The following ASB3 variants were observed in gnomAD, a reference collection of about 807,000 sequenced individuals.
ASB3 encodes ankyrin repeat and SOCS box protein 3.
In ASB3, 41 loss-of-function variants were observed where a neutral mutation model predicts 54.5. The observed-to-expected ratio is 0.75, with a 90% CI of 0.59 to 0.98. The LOEUF (loss-of-function observed/expected upper bound fraction) is 0.98, where lower values mean the gene tolerates loss of function less well. Among genes scored for constraint, ASB3 ranks in the 50% least tolerant of loss-of-function variants. The pLI is 0.00. For missense variants in ASB3, 733 were observed against 620.0 expected (o/e 1.18, Z -1.94); for synonymous variants, 266 against 221.2 (o/e 1.20, Z -1.80).
chr2:53,764,874 A>G (rs1490959311), intron 2 of ASB3, among the ~76,000 whole-genome samples: 1 of 152,214 alleles, frequency 6.6e-6, no homozygotes, highest in Non-Finnish European at 1.5e-5. Flanking sequence ...ATCTTGTTTA[A>G]TTATTTAGAT....
At position 53,750,871 on chromosome 2, in the gene ASB3, T is replaced by C; in HGVS notation, c.267A>G (p.Gln89=). ...GAATCTGTACGATTTTCCAATGTCC[T>C]TGACTTGCAGCGAGATGCAAAGCAC... ...GFCALHLAAS[Q]GHWKIVQILL... is the part of the protein sequence containing the mutation. Residue 89 remains glutamine, a synonymous_variant, in exon 3 of 10, where the codon CAA becomes CAG. Transcript: ENST00000263634. 8.7e-6 allele frequency: 14 copies of C among 1,602,918 alleles called. No individual in the cohort carries two copies. The highest frequency in any genetic ancestry group is 1.0e-5 in the Non-Finnish European group (12 of 1,174,476).
At chr2:53,681,640 G>C (rs1276184852) in intron 9 of ASB3, among the ~76,000 whole-genome samples, 1 of 152,042 alleles carries the variant, frequency 6.6e-6, no homozygotes, top group East Asian at 1.9e-4. Flanking sequence ...GTATGTTCTT[G>C]GCACCTTTGT....
intron 2 of ASB3, among the ~76,000 whole-genome samples, chr2:53,758,986 A>G (rs751289892): frequency 1.5e-4 from 23 of 152,262 alleles, no homozygotes; most frequent in Non-Finnish European, 2.9e-4. Context: ...GATGTTTTAC[A>G]AGGGTTAGAA....
chr2:53,700,826 T>C (rs1198435917), intron 7 of ASB3, among the ~76,000 whole-genome samples: 1 of 152,234 alleles, frequency 6.6e-6, no homozygotes, highest in East Asian at 1.9e-4. Context: ...AATTGTGATA[T>C]TTTGTACAAA....
At chr2:53,728,247 C>A (rs866444370) in intron 5 of ASB3, among the ~76,000 whole-genome samples, 7 of 152,216 alleles carry the variant, frequency 4.6e-5, no homozygotes, top group Admixed American at 6.5e-5. Flanking sequence ...CACAGAGAAA[C>A]CTTTAGCAGG....
intron 7 of ASB3, among the ~76,000 whole-genome samples, chr2:53,709,368 A>C (rs957809870): frequency 2.6e-5 from 4 of 151,962 alleles, no homozygotes; most frequent in African/African-American, 9.7e-5. Context: ...GGTTTGGGAG[A>C]CTCTGCCTAG....
intron 1 of ASB3, among the ~76,000 whole-genome samples, chr2:53,781,355 T>A (rs1573036609): frequency 6.7e-6 from 1 of 150,312 alleles, no homozygotes; most frequent in South Asian, 2.1e-4. Flanking sequence ...GAGGCTACAA[T>A]GAGCCAAAAC....
At chr2:53,749,694 G>A (rs566459411) in intron 3 of ASB3, among the ~76,000 whole-genome samples, 1 of 152,124 alleles carries the variant, frequency 6.6e-6, no homozygotes, top group South Asian at 2.1e-4. Context: ...GACAGCTAAA[G>A]GAAGCCAGTC....
At chr2:53,678,517 T>C (rs934056824) in intron 9 of ASB3, among the ~76,000 whole-genome samples, 2 of 152,214 alleles carry the variant, frequency 1.3e-5, no homozygotes, top group African/African-American at 4.8e-5. Context: ...AAATTAAAAC[T>C]ACAAAATATC....
At chr2:53,741,713 T>C (rs1450095782) in intron 3 of ASB3, among the ~76,000 whole-genome samples, 1 of 152,208 alleles carries the variant, frequency 6.6e-6, no homozygotes, top group Non-Finnish European at 1.5e-5. Context: ...TAAAAATGAA[T>C]ATGGACTTCC....
At chr2:53,722,835 G>C (rs986676750) in intron 5 of ASB3, among the ~76,000 whole-genome samples, 4 of 152,116 alleles carry the variant, frequency 2.6e-5, no homozygotes, top group African/African-American at 7.2e-5. Flanking sequence ...GAAAGTCCTT[G>C]CCAGAACAAT....
At chr2:53,704,536 A>T (rs1669666663) in intron 7 of ASB3, among the ~76,000 whole-genome samples, 1 of 152,070 alleles carries the variant, frequency 6.6e-6, no homozygotes, top group Admixed American at 6.6e-5. Context: ...ATAACCAAAA[A>T]CATATTTTTC....
At chr2:53,688,139 T>C (rs1469963167) in intron 9 of ASB3, among the ~76,000 whole-genome samples, 1 of 152,228 alleles carries the variant, frequency 6.6e-6, no homozygotes, top group Non-Finnish European at 1.5e-5. Context: ...TTATTGACCT[T>C]TCCTTGGTCA....
At chr2:53,704,346 C>T (rs1448112126) in intron 7 of ASB3, among the ~76,000 whole-genome samples, 3 of 129,206 alleles carry the variant, frequency 2.3e-5, no homozygotes, top group Admixed American at 8.6e-5. Context: ...GGCCACAGAG[C>T]GAGAGACTGT....
chr2:53,682,435 T>C (rs1314469527), intron 9 of ASB3, among the ~76,000 whole-genome samples: 2 of 152,100 alleles, frequency 1.3e-5, no homozygotes, highest in Non-Finnish European at 2.9e-5. Context: ...TTTGTTGCTA[T>C]TGTAAATGAG....
At chr2:53,676,458 A>G (rs1245992705) in intron 9 of ASB3, among the ~76,000 whole-genome samples, 1 of 152,240 alleles carries the variant, frequency 6.6e-6, no homozygotes, top group Non-Finnish European at 1.5e-5. Flanking sequence ...TACACTGCGT[A>G]AGGATATTTT....
chr2:53,687,506 G>A (rs1668692234), intron 9 of ASB3, among the ~76,000 whole-genome samples: 1 of 152,184 alleles, frequency 6.6e-6, no homozygotes, highest in South Asian at 2.1e-4. Context: ...AACATCCAGA[G>A]GAAATGAATC....
chr2:53,723,457 T>A (rs933942883), intron 5 of ASB3, among the ~76,000 whole-genome samples: 4 of 152,122 alleles, frequency 2.6e-5, no homozygotes, highest in African/African-American at 9.7e-5. Context: ...CTGCACCCAA[T>A]TTGTGATCTT....
chr2:53,693,486 T>C (rs1217343269), intron 9 of ASB3, among the ~76,000 whole-genome samples: 1 of 152,104 alleles, frequency 6.6e-6, no homozygotes, highest in Non-Finnish European at 1.5e-5. Context: ...TATGATAAAA[T>C]ATTACACAGA....
Sources: allele counts gnomAD v4.1 joint callset (sites outside exome capture counted in the v4.1 genomes callset), GRCh38; gene constraint gnomAD v4.1.1; transcripts MANE v1.5; gene names NCBI Gene and HGNC (gene_info 2026-07-23, HGNC 2026-07-21).